Variants in ENOX1 observed in about 807,000 individuals in gnomAD.
The protein encoded by ENOX1 is candidate growth-related and time keeping constitutive hydroquinone (NADH) oxidase.
ENOX1 carries 42 observed loss-of-function variants against 82.5 expected under a neutral mutation model. The observed-to-expected ratio is 0.51, with a 90% CI of 0.40 to 0.66. The LOEUF (loss-of-function observed/expected upper bound fraction) is 0.66. Among genes scored for constraint, ENOX1 ranks in the 30% least tolerant of loss-of-function variants. The pLI is 0.00. For missense variants in ENOX1, 608 were observed against 811.6 expected (o/e 0.75, Z 3.05); for synonymous variants, 271 against 282.2 (o/e 0.96, Z 0.40).
intron 13 of ENOX1, among the ~76,000 whole-genome samples, chr13:43,268,192 G>T (rs2044492158): frequency 6.6e-6 from 1 of 152,150 alleles, no homozygotes; most frequent in South Asian, 2.1e-4. Flanking sequence ...GGGTGAGAGA[G>T]CAGAAAACAA....
At chr13:43,510,296 G>C (rs904746274) in intron 2 of ENOX1, among the ~76,000 whole-genome samples, 1 of 152,044 alleles carries the variant, frequency 6.6e-6, no homozygotes, top group African/African-American at 2.4e-5. Flanking sequence ...ACAGAGTGAT[G>C]GTTGTTACTA....
At chr13:43,775,680 C>T (rs1200702258) in intron 1 of ENOX1, among the ~76,000 whole-genome samples, 1 of 152,054 alleles carries the variant, frequency 6.6e-6, no homozygotes, top group Non-Finnish European at 1.5e-5. Flanking sequence ...AATTGAGGCT[C>T]CAGCTTCCTG....
chr13:43,382,555 T>G (rs1007342765), intron 5 of ENOX1, among the ~76,000 whole-genome samples: 32 of 152,198 alleles, frequency 2.1e-4, no homozygotes, highest in African/African-American at 7.5e-4. Flanking sequence ...TTACATAAAA[T>G]TCTGGAAAAT....
intron 1 of ENOX1, among the ~76,000 whole-genome samples, chr13:43,713,382 G>A (rs576236625): frequency 1.3e-5 from 2 of 152,120 alleles, no homozygotes; most frequent in East Asian, 3.9e-4. Context: ...CTCTTTTTTG[G>A]TTGTGTCTCT....
intron 2 of ENOX1, among the ~76,000 whole-genome samples, chr13:43,644,081 T>C (rs1223888333): frequency 1.3e-5 from 2 of 152,166 alleles, no homozygotes; most frequent in African/African-American, 4.8e-5. Flanking sequence ...TCTTAATTAA[T>C]TGTAATTAGT....
At chr13:43,770,063 C>A (rs1316178703) in intron 1 of ENOX1, among the ~76,000 whole-genome samples, 2 of 152,182 alleles carry the variant, frequency 1.3e-5, no homozygotes, top group East Asian at 3.8e-4. Flanking sequence ...CTTAGAGCAG[C>A]AATGAATTTT....
chr13:43,595,925 A>C (rs1301402072), intron 2 of ENOX1, among the ~76,000 whole-genome samples: 1 of 142,394 alleles, frequency 7.0e-6, no homozygotes, highest in Non-Finnish European at 1.5e-5. Flanking sequence ...CTGTAGTCTC[A>C]ATTACCATAT....
intron 11 of ENOX1, among the ~76,000 whole-genome samples, chr13:43,301,925 C>T (rs2046600076): frequency 6.6e-6 from 1 of 152,082 alleles, no homozygotes; most frequent in Non-Finnish European, 1.5e-5. Flanking sequence ...AATATAACTT[C>T]TCAGTATATT....
intron 3 of ENOX1, among the ~76,000 whole-genome samples, chr13:43,428,034 G>T (rs139275839): frequency 8.5e-5 from 13 of 152,270 alleles, no homozygotes; most frequent in Non-Finnish European, 7.4e-5. Flanking sequence ...TCAAGCCCTG[G>T]TCTGAGGTTT....
At chr13:43,675,269 A>G (rs1368607539) in intron 1 of ENOX1, among the ~76,000 whole-genome samples, 2 of 152,178 alleles carry the variant, frequency 1.3e-5, no homozygotes, top group African/African-American at 4.8e-5. Context: ...GGTGATGGAC[A>G]GATTGGATGT....
At chr13:43,438,743 G>A (rs1246220033) in intron 3 of ENOX1, among the ~76,000 whole-genome samples, 2 of 152,154 alleles carry the variant, frequency 1.3e-5, no homozygotes, top group East Asian at 1.9e-4. Context: ...ATTGCCTGAG[G>A]AGACTTTTCC....
chr13:43,539,908 T>G (rs903330732), intron 2 of ENOX1, among the ~76,000 whole-genome samples: 1 of 152,324 alleles, frequency 6.6e-6, no homozygotes, highest in East Asian at 1.9e-4. Context: ...AATATCCTCT[T>G]TGTATCTAGT....
chr13:43,315,810 C>T (rs1157980237), intron 11 of ENOX1, among the ~76,000 whole-genome samples: 1 of 152,170 alleles, frequency 6.6e-6, no homozygotes, highest in East Asian at 1.9e-4. Context: ...TTCAAGCCTG[C>T]TACAGAAACA....
At chr13:43,384,182 A>C (rs1298368537) in intron 5 of ENOX1, among the ~76,000 whole-genome samples, 3 of 152,256 alleles carry the variant, frequency 2.0e-5, no homozygotes, top group African/African-American at 7.2e-5. Context: ...AATGCCTGGC[A>C]CATACACAAT....
At chr13:43,632,962 A>G (rs1027895924) in intron 2 of ENOX1, among the ~76,000 whole-genome samples, 5 of 152,126 alleles carry the variant, frequency 3.3e-5, no homozygotes, top group Admixed American at 6.6e-5. Flanking sequence ...AATATCTTGT[A>G]AAACAAGTAT....
intron 14 of ENOX1, among the ~76,000 whole-genome samples, chr13:43,248,870 T>C (rs1054062114): frequency 2.0e-5 from 3 of 152,162 alleles, no homozygotes; most frequent in Non-Finnish European, 4.4e-5. Flanking sequence ...CATATACACA[T>C]ACATGTATAT....
intron 3 of ENOX1, among the ~76,000 whole-genome samples, chr13:43,415,572 A>G (rs1021825927): frequency 3.3e-5 from 5 of 152,254 alleles, no homozygotes; most frequent in African/African-American, 1.2e-4. Context: ...GGGTAAGGTT[A>G]TAGATTAACA....
chr13:43,599,883 T>C (rs1160947020), intron 2 of ENOX1, among the ~76,000 whole-genome samples: 1 of 151,784 alleles, frequency 6.6e-6, no homozygotes, highest in Non-Finnish European at 1.5e-5. Context: ...GGCAAAGTCC[T>C]GAGGCCCCCA....
chr13:43,413,914 G>A (rs2054292586), intron 3 of ENOX1, among the ~76,000 whole-genome samples: 1 of 151,708 alleles, frequency 6.6e-6, no homozygotes, highest in Non-Finnish European at 1.5e-5. Flanking sequence ...AAACTCAGAT[G>A]AGTGGCATGA....
Sources: allele counts gnomAD v4.1 joint callset (sites outside exome capture counted in the v4.1 genomes callset), GRCh38; gene constraint gnomAD v4.1.1; transcripts MANE v1.5; gene names NCBI Gene and HGNC (gene_info 2026-07-23, HGNC 2026-07-21).